The following SOS1 variants were observed in gnomAD, a reference collection of about 807,000 sequenced individuals.
The protein encoded by SOS1 is SOS Ras/Rac guanine nucleotide exchange factor 1.
In SOS1, 25 loss-of-function variants were observed where a neutral mutation model predicts 157.6. The observed-to-expected ratio is 0.16, with a 90% CI of 0.12 to 0.22. The LOEUF is 0.22. Among genes scored for constraint, SOS1 ranks in the 10% least tolerant of loss-of-function variants. The pLI is 1.00. For synonymous variants in SOS1, 528 were observed against 534.0 expected (o/e 0.99, Z 0.16); for missense variants, 1,237 against 1,599.1 (o/e 0.77, Z 3.86).
chr2:38,990,552 C>T (rs1158729220), intron 20 of SOS1, among the ~76,000 whole-genome samples: 1 of 152,066 alleles, frequency 6.6e-6, no homozygotes, highest in African/African-American at 2.4e-5. Flanking sequence ...CTAGCTCTAG[C>T]GTTTACCCTA....
chr2:39,007,398 G>T (rs1000084979), intron 15 of SOS1: 1 of 563,044 alleles, frequency 1.8e-6, no homozygotes, highest in Non-Finnish European at 3.1e-6. Context: ...TTCTAGACTG[G>T]TACAGTCAAA....
chr2:38,992,896 T>C (rs1668775704), intron 20 of SOS1: 1 of 152,118 alleles, frequency 6.6e-6, no homozygotes, highest in Admixed American at 6.6e-5. Context: ...TTTTACTTGG[T>C]GTCTATTTGA....
intron 1 of SOS1, among the ~76,000 whole-genome samples, chr2:39,074,424 A>C (rs1671895358): frequency 1.3e-5 from 2 of 151,978 alleles, no homozygotes; most frequent in African/African-American, 4.8e-5. Context: ...AAAAATACAA[A>C]ACTTAGCCAG....
Position 39,120,333 on chromosome 2 carries a change from C to A in SOS1, c.87+3G>T. 1 of 1,582,114 alleles carries A rather than the reference C, an allele frequency of 6.3e-7. No individual in the cohort carries two copies. Among genetic ancestry groups the A allele is most frequent in the East Asian group, 2.3e-5 (1 of 42,730 alleles). Reference sequence around the variant, plus strand: ...GGGAAGCGGGGTCCCGCGTGCTCCTCACCTTTTTCAGCGCAGGCACCAGTA... The same window carrying A: ...GGGAAGCGGGGTCCCGCGTGCTCCTAACCTTTTTCAGCGCAGGCACCAGTA... On this transcript the variant is annotated splice_donor_region_variant and intron_variant, in intron 1 of 22. Transcript: ENST00000402219.
At chr2:39,049,462 T>C (rs955003425) in intron 6 of SOS1, among the ~76,000 whole-genome samples, 2 of 152,228 alleles carry the variant, frequency 1.3e-5, no homozygotes, top group African/African-American at 4.8e-5. Flanking sequence ...ATCTTCTTTA[T>C]AAATGGATCA....
chr2:39,120,546 G>T lies in SOS1; in HGVS notation c.-124C>A, dbSNP rs56360279. 7.5e-6 allele frequency: 8 copies of T among 1,067,364 alleles called. No homozygotes were observed. The highest frequency in any genetic ancestry group is 9.1e-6 in the Non-Finnish European group (8 of 882,194). 66.1% of individuals were successfully genotyped at this position (1,067,364 alleles called of 1,614,324 possible). ...CCCACCGGACGGCCCGGCCCCCTCC[G>T]GGCGCCGCGCAGCCGGGCTAGCCCT... On this transcript the variant is annotated 5_prime_UTR_variant, in exon 1 of 23. Coordinates refer to ENST00000402219, the MANE Select transcript of SOS1 (RefSeq NM_005633.4).
rs966481815 is a variant in SOS1 at position 39,086,456 on chromosome 2, CT to C, written c.88-18704del. 2.4e-4 allele frequency among the ~76,000 whole-genome samples: 37 copies of C among 152,280 alleles called. 1 individual carries two copies. The highest frequency in any genetic ancestry group is 6.7e-4 in the African/African-American group (28 of 41,554). On this transcript the variant is annotated intron_variant, in intron 1 of 22. Transcript: ENST00000402219. ...TTCTGGACTCCATTATGCTTGAGAT[CT>C]TTCAGACATGCAATTAGCAAATAGG... is the stretch of plus-strand genomic sequence containing the variant.
At chr2:39,121,813 G>A (rs1673903566), upstream of SOS1, among the ~76,000 whole-genome samples, 1 of 152,244 alleles carries the variant, frequency 6.6e-6, no homozygotes, top group African/African-American at 2.4e-5. Context: ...GAATGCTAAA[G>A]GAGCAGTATT....
At chr2:39,019,978 CTTAA>C (rs1485476805) in intron 10 of SOS1, among the ~76,000 whole-genome samples, 2 of 151,590 alleles carry the variant, frequency 1.3e-5, no homozygotes, top group African/African-American at 2.4e-5. Context: ...GATCCTTTTA[CTTAA>C]TTATTAACAC....
chr2:39,071,669 T>C lies in SOS1; in HGVS notation c.88-3916A>G, dbSNP rs1408786197. ...GGTCTAGACATTCGAAAAGATGTTT[T>C]AGAAAGTATTCAAGAAAGTATGATT... On this transcript the variant is annotated intron_variant, in intron 1 of 22. Transcript: ENST00000402219. Among the ~76,000 whole-genome samples the C allele has an allele frequency of 7.2e-5, 11 of 152,222 alleles. No individual in the cohort carries two copies. The East Asian group carries it at 1.9e-3, about 27-fold the overall frequency.
At chr2:39,067,463 C>G (rs1210299009) in intron 2 of SOS1, among the ~76,000 whole-genome samples, 165 bp downstream of exon 2, 3 of 152,080 alleles carry the variant, frequency 2.0e-5, no homozygotes, top group Admixed American at 6.6e-5. Flanking sequence ...CTTCTGTTCC[C>G]AAGCATTCTG....
intron 1 of SOS1, among the ~76,000 whole-genome samples, chr2:39,085,466 C>A (rs1399070169): frequency 6.6e-6 from 1 of 152,186 alleles, no homozygotes; most frequent in African/African-American, 2.4e-5. Flanking sequence ...CCTTAAAATG[C>A]CAACAGATAG....
intron 1 of SOS1, among the ~76,000 whole-genome samples, chr2:39,074,179 G>A (rs1238209269): frequency 3.3e-5 from 5 of 152,086 alleles, no homozygotes; most frequent in Admixed American, 6.6e-5. Flanking sequence ...GTGAAACCCC[G>A]TGTGTACTAA....
chr2:39,013,947 T>C lies in SOS1; in HGVS notation c.1983A>G (p.Ile661Met), dbSNP rs747203627. Reference protein sequence around the residue: ...PEPEPTEADRIAIENGDQPLS... With the variant: ...PEPEPTEADRMAIENGDQPLS... ...AGGGTTGATCTCCATTCTCTATAGC[T>C]ATGCGATCAGCTTCTGTTGGCTCAG... Residue 661 changes from isoleucine (I) to methionine (M), a missense_variant, in exon 12 of 23, where the codon ATA becomes ATG. Coordinates refer to ENST00000402219, the MANE Select transcript of SOS1 (RefSeq NM_005633.4). 3 of 1,604,980 alleles carry C rather than the reference T, an allele frequency of 1.9e-6. No homozygotes were observed. The African/African-American group carries it at 4.0e-5, about 21-fold the overall frequency.
At chr2:39,092,309 ACC>A (rs1038335892) in intron 1 of SOS1, among the ~76,000 whole-genome samples, 3 of 151,848 alleles carry the variant, frequency 2.0e-5, no homozygotes, top group African/African-American at 7.3e-5. Flanking sequence ...TTTCTTGCGC[ACC>A]CCAAGCTTGT....
intron 18 of SOS1, 75 bp downstream of exon 18, chr2:38,997,178 T>C: frequency 1.6e-6 from 2 of 1,274,164 alleles, no homozygotes; most frequent in Non-Finnish European, 1.1e-6. Context: ...TTCTCCCCTA[T>C]AAAATAAACC....
chr2:39,120,508 A>C lies in SOS1; in HGVS notation c.-86T>G. The C allele has an allele frequency of 8.2e-7, 1 of 1,224,314 alleles. No homozygotes were observed. Among genetic ancestry groups the C allele is most frequent in the Non-Finnish European group, 1.0e-6 (1 of 980,980 alleles). The allele number at this position is 1,224,314 out of a possible 1,614,324, so 75.8% of individuals were successfully genotyped here. ...CGAGAGGGCGAGCTCGCAGCGCGGA[A>C]CAGGGCCGCGGCCCCACCGGACGGC... On this transcript the variant is annotated 5_prime_UTR_variant, in exon 1 of 23. Coordinates refer to ENST00000402219, the MANE Select transcript of SOS1 (RefSeq NM_005633.4).
chr2:39,071,687 G>T (rs1273168481), intron 1 of SOS1, among the ~76,000 whole-genome samples: 1 of 152,160 alleles, frequency 6.6e-6, no homozygotes, highest in Non-Finnish European at 1.5e-5. Flanking sequence ...ATTCAAGAAA[G>T]TATGATTAAG....
chr2:39,082,416 T>C (rs896915897), intron 1 of SOS1, among the ~76,000 whole-genome samples: 2 of 152,156 alleles, frequency 1.3e-5, no homozygotes, highest in African/African-American at 4.8e-5. Flanking sequence ...ACTGCATCTT[T>C]TCCTTTTCCT....
Sources: allele counts gnomAD v4.1 joint callset (sites outside exome capture counted in the v4.1 genomes callset), GRCh38; gene constraint gnomAD v4.1.1; transcripts MANE v1.5; gene names NCBI Gene and HGNC (gene_info 2026-07-23, HGNC 2026-07-21).